TYW3: variants seen among roughly 807,000 people sequenced by gnomAD.
TYW3 encodes the protein tRNA wybutosine-synthesizing protein 3 homolog.
A neutral mutation model predicts 23.1 loss-of-function variants in TYW3; 26 were observed. The observed-to-expected ratio is 1.13, with a 90% CI of 0.83 to 1.56. The LOEUF (loss-of-function observed/expected upper bound fraction) is 1.56, where lower values mean the gene tolerates loss of function less well. Among genes scored for constraint, TYW3 ranks in the 40% most tolerant of loss-of-function variants. TYW3 has a pLI of 0.00. For missense variants in TYW3, 316 were observed against 311.9 expected (o/e 1.01, Z -0.10); for synonymous variants, 102 against 105.7 (o/e 0.97, Z 0.21).
rs1267462636 is a variant in TYW3, at chr1:74,764,084, A to G, written c.751A>G (p.Asn251Asp). 1.2e-6 allele frequency: 2 copies of G among 1,612,476 alleles called. No homozygotes were observed. Among genetic ancestry groups the G allele is most frequent in the Non-Finnish European group, 1.7e-6 (2 of 1,179,448 alleles). ...TGATGATGATGATGATCTAGGAATC[A>G]ATGTTACCATCTTCCCTGAAGATTA... ...ENDDDDDLGI[N>D]VTIFPEDY Residue 251 changes from asparagine (N) to aspartate (D), a missense_variant, in exon 6 of 6, where the codon AAT becomes GAT. Transcript: ENST00000370867.
intron 4 of TYW3, chr1:74,751,410 A>T (rs1171015033): frequency 6.6e-6 from 1 of 152,370 alleles, no homozygotes; most frequent in East Asian, 1.9e-4. Context: ...GTGGTGGCTT[A>T]TGCCTGTAAT....
rs138540080 is a variant in TYW3 at position 74,756,543 on chromosome 1, C to T, written c.560+4118C>T. Among the ~76,000 whole-genome samples the T allele has an allele frequency of 2.0e-3, 298 of 152,144 alleles. 2 individuals carry two copies. The highest frequency in any genetic ancestry group is 6.8e-3 in the African/African-American group (283 of 41,510). On this transcript the variant is annotated intron_variant, in intron 5 of 5. Coordinates refer to ENST00000370867, the MANE Select transcript of TYW3 (RefSeq NM_138467.3). ...GTTGAGAGAGATGATTTAGGGTATC[C>T]GGCAGAATTTCTAAGCAGCAAAGCA...
chr1:74,747,386 C>T (rs1648600074), intron 3 of TYW3, among the ~76,000 whole-genome samples: 3 of 151,816 alleles, frequency 2.0e-5, no homozygotes, highest in Admixed American at 2.0e-4. Flanking sequence ...GCCTGTAATC[C>T]CAGCACTTTG....
chr1:74,740,888 C>G (rs1421204958), intron 3 of TYW3, among the ~76,000 whole-genome samples: 2 of 152,208 alleles, frequency 1.3e-5, no homozygotes, highest in African/African-American at 4.8e-5. Context: ...CCCCACTTGA[C>G]CCAGAAAGTC....
At chr1:74,738,814 G>C (rs772549022) in intron 3 of TYW3, 26 bp downstream of exon 3, 10 of 1,559,034 alleles carry the variant, frequency 6.4e-6, no homozygotes, top group Non-Finnish European at 8.8e-6. Context: ...AATTGTACTT[G>C]AATTTATAGA....
Position 74,733,255 on chromosome 1 carries a change from G to T in TYW3, c.11G>T (p.Ser4Ile), listed in dbSNP as rs1268520889. 1.9e-6 allele frequency: 3 copies of T among 1,613,970 alleles called. No homozygotes were observed. Among genetic ancestry groups the T allele is most frequent in the African/African-American group, 1.3e-5 (1 of 74,946 alleles). The stretch of plus-strand genomic sequence containing the variant: ...CTGAGTCCGTCACCCATGGATCGCA[G>T]CGCGGAGTTCAGGAAATGGAAGGCG... MDR[S>I]AEFRKWKAQC... The change falls in exon 1 of 6, where the codon AGC becomes ATC. Residue 4 changes from serine (S) to isoleucine (I), a missense_variant. Physicochemically the swap from Ser to Ile is moderately radical, Grantham distance 142 (BLOSUM62 -2). Transcript: ENST00000370867.
At chr1:74,747,636 C>CA (rs1213918927) in intron 3 of TYW3, among the ~76,000 whole-genome samples, 838 of 62,238 alleles carry the variant, frequency 0.013, 20 homozygotes, top group East Asian at 0.098. Context: ...GACTCCGTCT[C>CA]AAAAAAAAAA....
intron 4 of TYW3, among the ~76,000 whole-genome samples, chr1:74,751,670 G>GAA (rs772374314): frequency 1.5e-5 from 2 of 136,106 alleles, no homozygotes; most frequent in Non-Finnish European, 3.2e-5. Flanking sequence ...AACTCTGTCT[G>GAA]AAAAAAAAAA....
At chr1:74,743,957 C>T (rs927889969) in intron 3 of TYW3, among the ~76,000 whole-genome samples, 1 of 152,170 alleles carries the variant, frequency 6.6e-6, no homozygotes, top group African/African-American at 2.4e-5. Flanking sequence ...GTACCTTGAT[C>T]TGCTTTAAAT....
At chr1:74,755,957 G>A (rs1291543223) in intron 5 of TYW3, among the ~76,000 whole-genome samples, 1 of 152,154 alleles carries the variant, frequency 6.6e-6, no homozygotes, top group African/African-American at 2.4e-5. Context: ...TGCTGTTCTT[G>A]TGATGGTGCA....
Position 74,764,411 on chromosome 1 carries a change from T to C in TYW3, c.*298T>C. The C allele has an allele frequency of 4.2e-6, 1 of 240,210 alleles. No homozygotes were observed. The highest frequency in any genetic ancestry group is 7.9e-6 in the Non-Finnish European group (1 of 125,870). 14.9% of individuals were successfully genotyped at this position (240,210 alleles called of 1,614,324 possible). A position where few individuals can be genotyped will look rare whatever the true frequency, so the allele number is the denominator to read the frequency against. ...TCAAAGATGTTTGAATGGTGTCTTATTCTGAAATAACCTGACCTAAGACAG... is the reference window on the plus strand; with the variant it reads ...TCAAAGATGTTTGAATGGTGTCTTACTCTGAAATAACCTGACCTAAGACAG... On this transcript the variant is annotated 3_prime_UTR_variant, in exon 6 of 6. Coordinates refer to ENST00000370867, the MANE Select transcript of TYW3 (RefSeq NM_138467.3).
At chr1:74,745,163 T>A (rs2881153) in intron 3 of TYW3, among the ~76,000 whole-genome samples, 39 of 151,908 alleles carry the variant, frequency 2.6e-4, no homozygotes, top group African/African-American at 8.2e-4. Flanking sequence ...GAATGAAGCC[T>A]CAGACCTCCG....
chr1:74,744,320 A>G (rs1177197340), intron 3 of TYW3, among the ~76,000 whole-genome samples: 1 of 152,004 alleles, frequency 6.6e-6, no homozygotes, highest in Non-Finnish European at 1.5e-5. Flanking sequence ...ATTGTAATTT[A>G]TACTGCCCTC....
At chr1:74,760,568 A>G (rs28482086) in intron 5 of TYW3, among the ~76,000 whole-genome samples, 99,486 of 151,894 alleles carry the variant, frequency 0.65, 32,780 homozygotes, top group East Asian at 0.79. Context: ...GATTTCAGTT[A>G]GAGCACTGTG....
At chr1:74,740,057 G>A (rs550931785) in intron 3 of TYW3, among the ~76,000 whole-genome samples, 10 of 152,346 alleles carry the variant, frequency 6.6e-5, no homozygotes, top group African/African-American at 2.4e-4. Flanking sequence ...GTTCCTTCCA[G>A]TGGGTTATTG....
intron 3 of TYW3, among the ~76,000 whole-genome samples, chr1:74,743,692 G>A (rs1375469941): frequency 6.6e-6 from 1 of 152,126 alleles, no homozygotes; most frequent in East Asian, 1.9e-4. Context: ...TCCCAGTGGG[G>A]AGCCATACTG....
At position 74,766,301 on chromosome 1, in the gene TYW3, A is replaced by G. The variant is rs538004116; in HGVS notation, c.*2188A>G. On this transcript the variant is annotated 3_prime_UTR_variant, in exon 6 of 6. Coordinates refer to ENST00000370867, the MANE Select transcript of TYW3 (RefSeq NM_138467.3). ...TAAAACAGCTTCTGACAGGTCCTTC[A>G]GGAAGTACTCCAGAAGAAGGCATTG... The G allele has an allele frequency of 6.6e-6, 1 of 152,264 alleles. No individual in the cohort carries two copies. Among genetic ancestry groups the G allele is most frequent in the South Asian group, 2.1e-4 (1 of 4,822 alleles). The allele number at this position is 152,264 out of a possible 1,614,324, so 9.4% of individuals were successfully genotyped here.
chr1:74,747,441 T>C lies in TYW3; in HGVS notation c.355-1310T>C, dbSNP rs373555753. On this transcript the variant is annotated intron_variant, in intron 3 of 5. Coordinates refer to ENST00000370867, the MANE Select transcript of TYW3 (RefSeq NM_138467.3). ...TCACGAGGTCAGGAGATCGAGACCA[T>C]CCCGGCTAAAACAGTGAAACCCCGT... 1.1e-3 allele frequency among the ~76,000 whole-genome samples: 168 copies of C among 151,392 alleles called. 3 individuals are homozygous for C. Among genetic ancestry groups the C allele is most frequent in the Middle Eastern group, 3.4e-3 (1 of 294 alleles).
rs181504944 is a variant in TYW3, at chr1:74,754,790, G to T, written c.560+2365G>T. 3.5e-3 allele frequency among the ~76,000 whole-genome samples: 532 copies of T among 152,188 alleles called. 2 individuals carry two copies. The highest frequency in any genetic ancestry group is 0.012 in the African/African-American group (501 of 41,544). On this transcript the variant is annotated intron_variant, in intron 5 of 5. Coordinates refer to ENST00000370867, the MANE Select transcript of TYW3 (RefSeq NM_138467.3). The stretch of plus-strand genomic sequence containing the variant: ...GAGACTTATCCATTGGGTTCCTGTT[G>T]TTTCTGGAGCTGGGCAAGACAAGAC...
Sources: allele counts gnomAD v4.1 joint callset (sites outside exome capture counted in the v4.1 genomes callset), GRCh38; gene constraint gnomAD v4.1.1; transcripts MANE v1.5; gene names NCBI Gene and HGNC (gene_info 2026-07-23, HGNC 2026-07-21).